PRR5: variants seen among roughly 807,000 people sequenced by gnomAD.
PRR5 encodes the protein proline-rich protein 5.
PRR5 carries 25 observed loss-of-function variants against 30.6 expected under a neutral mutation model. That is an observed-to-expected ratio of 0.82 (90% CI 0.60 to 1.14). The LOEUF is 1.14. Ranked by LOEUF, PRR5 falls within the 50% of genes most tolerant of loss-of-function variation. PRR5 has a pLI of 0.00. For synonymous variants in PRR5, 286 were observed against 247.1 expected (o/e 1.16, Z -1.48); for missense variants, 600 against 547.1 (o/e 1.10, Z -0.96).
At chr22:44,721,093 A>G (rs2147110995) in intron 2 of PRR5, among the ~76,000 whole-genome samples, 1 of 152,180 alleles carries the variant, frequency 6.6e-6, no homozygotes, top group South Asian at 2.1e-4. Context: ...ATCCCAGTTG[A>G]CCCCCGGGAC....
intron 1 of PRR5, among the ~76,000 whole-genome samples, chr22:44,688,848 C>T (rs1333931949): frequency 2.2e-4 from 33 of 151,934 alleles, no homozygotes; most frequent in Admixed American, 2.0e-3. Flanking sequence ...ATTAGCCGGG[C>T]ATGGTGGTGC....
intron 4 of PRR5, chr22:44,731,227 C>T (rs1400299832): frequency 1.5e-5 from 3 of 206,136 alleles, no homozygotes; most frequent in East Asian, 2.9e-4. Flanking sequence ...GCCAGGTGTA[C>T]CTGTGTGGGT....
intron 5 of PRR5, 86 bp downstream of exon 5, chr22:44,731,907 T>C (rs1602091560): frequency 1.5e-6 from 2 of 1,368,950 alleles, no homozygotes; most frequent in Admixed American, 2.0e-5. Context: ...GCCGCCAGGC[T>C]TGGGGACACA....
At chr22:44,701,791 G>A (rs1926320767), upstream of PRR5, among the ~76,000 whole-genome samples, 1 of 152,216 alleles carries the variant, frequency 6.6e-6, no homozygotes, top group African/African-American at 2.4e-5. Context: ...ATGAGAACTG[G>A]GTGGGGGAGC....
At chr22:44,725,373 G>C (rs1920926897) in intron 3 of PRR5, 81 bp downstream of exon 3, 5 of 1,582,018 alleles carry the variant, frequency 3.2e-6, no homozygotes, top group South Asian at 2.2e-5. Flanking sequence ...GCCCCCGGGG[G>C]TGTGGAGCGC....
chr22:44,714,783 C>G (rs1368669300), intron 2 of PRR5, 112 bp downstream of exon 2: 2 of 1,357,800 alleles, frequency 1.5e-6, no homozygotes, highest in African/African-American at 2.9e-5. Flanking sequence ...TGTGCTTCCT[C>G]CCCTAGAGGC....
chr22:44,729,451 C>T, intron 4 of PRR5: 3 of 985,464 alleles, frequency 3.0e-6, no homozygotes, highest in Non-Finnish European at 3.6e-6. Context: ...TCAGCCCCTG[C>T]TACTGCCAGG....
chr22:44,736,400 G>A (rs1285956435), intron 7 of PRR5, among the ~76,000 whole-genome samples: 2 of 152,192 alleles, frequency 1.3e-5, no homozygotes, highest in African/African-American at 2.4e-5. Flanking sequence ...CAGGGGCTGC[G>A]CCTGCCTGGG....
At chr22:44,736,446 C>G (rs1923268162) in intron 7 of PRR5, among the ~76,000 whole-genome samples, 1 of 152,128 alleles carries the variant, frequency 6.6e-6, no homozygotes, top group Non-Finnish European at 1.5e-5. Flanking sequence ...AAAGTCCATA[C>G]ACTTCCACAA....
intron 2 of PRR5, among the ~76,000 whole-genome samples, chr22:44,715,434 T>C (rs1928906136): frequency 6.6e-6 from 1 of 152,218 alleles, no homozygotes; most frequent in Non-Finnish European, 1.5e-5. Context: ...GGCCAGACTT[T>C]CATACGCAGG....
At position 44,702,466 on chromosome 22, in the gene PRR5, C is replaced by T; in HGVS notation, c.-9C>T. The T allele has an allele frequency of 3.6e-6, 5 of 1,381,902 alleles. No homozygotes were observed. Among genetic ancestry groups the T allele is most frequent in the East Asian group, 3.1e-5 (1 of 31,750 alleles). The allele number at this position is 1,381,902 out of a possible 1,614,324, so 85.6% of individuals were successfully genotyped here. On this transcript the variant is annotated 5_prime_UTR_variant, in exon 1 of 8. Coordinates refer to ENST00000336985, the MANE Select transcript of PRR5 (RefSeq NM_181333.4). ...GCGCGTGGGCGCGGCGCAGGCGGCC[C>T]GGGTCACCATGAGGACTCTCCGCAG...
At chr22:44,732,531 G>T in intron 6 of PRR5, 140 bp downstream of exon 6, 2 of 1,333,250 alleles carry the variant, frequency 1.5e-6, no homozygotes, top group East Asian at 2.5e-5. Context: ...AGCCTGTCAG[G>T]GCCAGGGACC....
chr22:44,678,124 T>G (rs1211220717), intron 1 of PRR5, among the ~76,000 whole-genome samples: 1 of 152,148 alleles, frequency 6.6e-6, no homozygotes. Flanking sequence ...GGGCTCTTGA[T>G]GGGAACCCTG....
intron 2 of PRR5, among the ~76,000 whole-genome samples, chr22:44,718,412 C>T (rs1035878814): frequency 2.6e-5 from 4 of 152,004 alleles, no homozygotes; most frequent in African/African-American, 9.7e-5. Context: ...CCAGGCTGGC[C>T]TTGAACTCCT....
intron 1 of PRR5, chr22:44,679,398 G>A (rs112593402): frequency 1.6e-4 from 25 of 157,502 alleles, no homozygotes; most frequent in Non-Finnish European, 3.1e-4. Context: ...ACACTGGGGG[G>A]CAACTGCCAC....
At chr22:44,727,573 G>C (rs763134421) in intron 4 of PRR5, among the ~76,000 whole-genome samples, 11 of 152,214 alleles carry the variant, frequency 7.2e-5, no homozygotes, top group Non-Finnish European at 1.3e-4. Context: ...GTGAGGCACG[G>C]TGTCCTGCCC....
Position 44,725,009 on chromosome 22 carries a change from A to G in PRR5, c.216-235A>G, listed in dbSNP as rs368029285. ...ACCCCTTGGCTTCCTCTGCTATGAC[A>G]TGAGTGCAGGGATCTAGTTGATGAG... On this transcript the variant is annotated intron_variant, in intron 2 of 7. Coordinates refer to ENST00000336985, the MANE Select transcript of PRR5 (RefSeq NM_181333.4). 3.0e-4 allele frequency among the ~76,000 whole-genome samples: 46 copies of G among 152,234 alleles called. 1 individual carries two copies. The highest frequency in any genetic ancestry group is 1.1e-3 in the African/African-American group (46 of 41,548).
chr22:44,734,990 T>C (rs1922932702), intron 6 of PRR5, 37 bp from the exon 7 acceptor site: 1 of 1,585,506 alleles, frequency 6.3e-7, no homozygotes, highest in African/African-American at 1.3e-5. Context: ...CAAGCTCGGG[T>C]GCATGACCCC....
intron 1 of PRR5, among the ~76,000 whole-genome samples, chr22:44,687,234 C>T (rs566538781): frequency 1.2e-4 from 19 of 152,300 alleles, no homozygotes; most frequent in Non-Finnish European, 2.6e-4. Flanking sequence ...TGATCAAATC[C>T]GGGTAATCGG....
Sources: allele counts gnomAD v4.1 joint callset (sites outside exome capture counted in the v4.1 genomes callset), GRCh38; gene constraint gnomAD v4.1.1; transcripts MANE v1.5; gene names NCBI Gene and HGNC (gene_info 2026-07-23, HGNC 2026-07-21).